The following TMEM198 variants were observed in gnomAD, a reference collection of about 807,000 sequenced individuals.
The protein encoded by TMEM198 is transmembrane protein 198.
Under a neutral mutation model 31.5 loss-of-function variants are expected in TMEM198, and 21 were observed. The observed-to-expected ratio is 0.67, with a 90% CI of 0.47 to 0.96. The LOEUF (loss-of-function observed/expected upper bound fraction) is 0.96, where lower values mean the gene tolerates loss of function less well. TMEM198 is among the 40% of genes least tolerant of loss of function. TMEM198 has a pLI of 0.00. For synonymous variants in TMEM198, 211 were observed against 223.3 expected (o/e 0.95, Z 0.49); for missense variants, 447 against 499.4 (o/e 0.89, Z 1.00).
At chr2:219,548,499 G>C (rs1695442466) in intron 3 of TMEM198, among the ~76,000 whole-genome samples, 1 of 152,194 alleles carries the variant, frequency 6.6e-6, no homozygotes, top group Non-Finnish European at 1.5e-5. Flanking sequence ...GCTTGAAGGA[G>C]GTGATATGTA....
intron 1 of TMEM198, 85 bp downstream of exon 1, chr2:219,544,462 TC>T (rs1559125753): frequency 5.2e-6 from 3 of 571,498 alleles, no homozygotes; most frequent in Non-Finnish European, 9.6e-6. Context: ...GCTCCCTTCA[TC>T]CCCCCGACTC....
At chr2:219,547,131 C>G in intron 2 of TMEM198, 1 of 182,634 alleles carries the variant, frequency 5.5e-6, no homozygotes, top group Admixed American at 6.2e-5. Flanking sequence ...CCCAATGACT[C>G]TTTTTCTGAT....
Position 219,547,967 on chromosome 2 carries a change from GT to G in TMEM198, c.629del (p.Val210GlyfsTer20). ...YVVERLRAAP[V>X]PPLCWRSWAL... is the part of the protein sequence containing the mutation. Reference sequence around the variant, plus strand: ...GGTGGAGCGACTCCGGGCTGCTCCTGTGCCCCCACTCTGCTGGCGAAGCTGG... The same window carrying G: ...GGTGGAGCGACTCCGGGCTGCTCCTGGCCCCCACTCTGCTGGCGAAGCTGG... On this transcript the variant is annotated frameshift_variant, in exon 3 of 5. Transcript: ENST00000373883. LOFTEE classifies it high-confidence loss of function. 6.3e-7 allele frequency: 1 copy of G among 1,589,154 alleles called. No individual in the cohort carries two copies. Among genetic ancestry groups the G allele is most frequent in the South Asian group, 1.1e-5 (1 of 88,714 alleles).
intron 2 of TMEM198, among the ~76,000 whole-genome samples, chr2:219,545,902 A>G (rs1695378783): frequency 6.6e-6 from 1 of 152,154 alleles, no homozygotes; most frequent in African/African-American, 2.4e-5. Context: ...GGGCTGAACA[A>G]CTGAAGAGTA....
chr2:219,544,091 G>C lies in TMEM198; in HGVS notation c.-326G>C. On this transcript the variant is annotated 5_prime_UTR_variant, in exon 1 of 5. Coordinates refer to ENST00000373883, the MANE Select transcript of TMEM198 (RefSeq NM_001005209.3). Reference sequence around the variant, plus strand: ...GGCCGCGGGCGGGCTCAGGGCATGGGGCCGCGGTTCTGGGGCGGCCCGAGC... The same window carrying C: ...GGCCGCGGGCGGGCTCAGGGCATGGCGCCGCGGTTCTGGGGCGGCCCGAGC... 1 of 435,172 alleles carries C rather than the reference G, an allele frequency of 2.3e-6. No individual in the cohort carries two copies. The highest frequency in any genetic ancestry group is 1.6e-5 in the South Asian group (1 of 61,002). The allele number at this position is 435,172 out of a possible 1,614,324, so 27.0% of individuals were successfully genotyped here.
At chr2:219,543,717 A>G (rs1695328592), upstream of TMEM198, 3 of 438,742 alleles carry the variant, frequency 6.8e-6, no homozygotes, top group Non-Finnish European at 1.2e-5. Flanking sequence ...CCGCGCCTCG[A>G]TTCCCCTCCA....
chr2:219,546,359 C>T (rs1375273846), intron 2 of TMEM198, among the ~76,000 whole-genome samples: 3 of 152,206 alleles, frequency 2.0e-5, no homozygotes, highest in African/African-American at 4.8e-5. Context: ...CTGTTTCCTT[C>T]TCTTTGATTC....
intron 2 of TMEM198, among the ~76,000 whole-genome samples, chr2:219,545,634 AG>A (rs541446635): frequency 9.6e-4 from 146 of 152,170 alleles, no homozygotes; most frequent in Non-Finnish European, 2.0e-3. Context: ...GTATAATGGG[AG>A]TAAGTGACCA....
chr2:219,549,567 T>A, intron 4 of TMEM198, 150 bp from the exon 5 acceptor site: 2 of 1,308,932 alleles, frequency 1.5e-6, no homozygotes, highest in Non-Finnish European at 2.1e-6. Flanking sequence ...GGGTTTTAAG[T>A]GGGATATGGT....
At chr2:219,549,068 C>A (rs1021074788) in intron 3 of TMEM198, 84 bp from the exon 4 acceptor site, 3 of 1,498,510 alleles carry the variant, frequency 2.0e-6, no homozygotes, top group Admixed American at 3.5e-5. Flanking sequence ...AAGCCTAGAG[C>A]CACAGGTGGG....
intron 4 of TMEM198, among the ~76,000 whole-genome samples, 162 bp downstream of exon 4, chr2:219,549,516 G>C (rs1366501657): frequency 6.6e-6 from 1 of 152,206 alleles, no homozygotes; most frequent in African/African-American, 2.4e-5. Context: ...GGCTTGGCGG[G>C]TCCAGCTGGT....
At chr2:219,548,300 G>C (rs1695437446) in intron 3 of TMEM198, among the ~76,000 whole-genome samples, 1 of 152,260 alleles carries the variant, frequency 6.6e-6, no homozygotes, top group Non-Finnish European at 1.5e-5. Flanking sequence ...CCAGGCACCA[G>C]GGATACAGCA....
chr2:219,548,355 G>C (rs1695438466), intron 3 of TMEM198, among the ~76,000 whole-genome samples: 1 of 152,240 alleles, frequency 6.6e-6, no homozygotes, highest in African/African-American at 2.4e-5. Flanking sequence ...TTCAAGGCAG[G>C]CAGGAGACAG....
At chr2:219,549,461 T>A (rs1695487260) in intron 4 of TMEM198, 107 bp downstream of exon 4, 5 of 1,390,534 alleles carry the variant, frequency 3.6e-6, no homozygotes, top group Non-Finnish European at 4.8e-6. Context: ...GAAGGCCTGT[T>A]TGTCCATGAA....
chr2:219,549,811 G>A lies in TMEM198; in HGVS notation c.1040G>A (p.Arg347Gln), dbSNP rs779089858. ...GATGCGGACTATGAGTATGGGTCCC[G>A]GGGACCTCTGACAGCCTGCTCAGGC... Reference protein sequence around the residue: ...PTDADYEYGSRGPLTACSGPP... With the variant: ...PTDADYEYGSQGPLTACSGPP... Residue 347 changes from arginine (R) to glutamine (Q), a missense_variant, in exon 5 of 5, where the codon CGG becomes CAG. Arg to Gln is a conservative substitution (Grantham distance 43, BLOSUM62 1). Coordinates refer to ENST00000373883, the MANE Select transcript of TMEM198 (RefSeq NM_001005209.3). The A allele has an allele frequency of 2.4e-5, 38 of 1,613,946 alleles. No homozygotes were observed. The Admixed American group carries it at 3.3e-4, about 14-fold the overall frequency.
intron 1 of TMEM198, 38 bp from the exon 2 acceptor site, chr2:219,544,651 C>G (rs1695353666): frequency 6.4e-7 from 1 of 1,565,854 alleles, no homozygotes; most frequent in Non-Finnish European, 8.7e-7. Flanking sequence ...TGGTGGGGAC[C>G]CAGGACTCCT....
At chr2:219,545,537 C>T (rs180726830) in intron 2 of TMEM198, among the ~76,000 whole-genome samples, 1 of 152,348 alleles carries the variant, frequency 6.6e-6, no homozygotes, top group African/African-American at 2.4e-5. Flanking sequence ...CTGACAAACT[C>T]TGGGCCTTGG....
At chr2:219,543,996 C>A, upstream of TMEM198, 1 of 353,442 alleles carries the variant, frequency 2.8e-6, no homozygotes, top group East Asian at 7.7e-5. Context: ...AGAAGCAGCC[C>A]GCCCCTGCCT....
Position 219,544,719 on chromosome 2 carries a change from C to T in TMEM198, c.-9C>T. The T allele has an allele frequency of 6.2e-7, 1 of 1,612,624 alleles. No individual in the cohort carries two copies. Among genetic ancestry groups the T allele is most frequent in the Non-Finnish European group, 8.5e-7 (1 of 1,179,498 alleles). ...CTTGGGAGGGTGACTCCCTTCTATT[C>T]CCAGCACTATGCCGGGGACTGTGGC... On this transcript the variant is annotated 5_prime_UTR_variant, in exon 2 of 5. Coordinates refer to ENST00000373883, the MANE Select transcript of TMEM198 (RefSeq NM_001005209.3).
Sources: allele counts gnomAD v4.1 joint callset (sites outside exome capture counted in the v4.1 genomes callset), GRCh38; gene constraint gnomAD v4.1.1; transcripts MANE v1.5; gene names NCBI Gene and HGNC (gene_info 2026-07-23, HGNC 2026-07-21).